Variants in DIP2C observed in about 807,000 individuals in gnomAD.
The protein encoded by DIP2C is disco-interacting protein 2 homolog C.
Under a neutral mutation model 192.4 loss-of-function variants are expected in DIP2C, and 33 were observed. The ratio of observed to expected loss-of-function variants is 0.17; its 90% CI spans 0.13 to 0.23. The LOEUF (loss-of-function observed/expected upper bound fraction) is 0.23, where lower values mean the gene tolerates loss of function less well. DIP2C is among the 10% of genes least tolerant of loss of function. The pLI is 1.00. For synonymous variants in DIP2C, 979 were observed against 864.1 expected (o/e 1.13, Z -2.33); for missense variants, 1,537 against 2,110.1 (o/e 0.73, Z 5.32).
At chr10:351,447 G>A (rs952212032) in intron 24 of DIP2C, among the ~76,000 whole-genome samples, 15 of 152,172 alleles carry the variant, frequency 9.9e-5, no homozygotes, top group South Asian at 2.1e-4. Flanking sequence ...CCAGGGCTGC[G>A]GGGAGGCGGC....
intron 4 of DIP2C, among the ~76,000 whole-genome samples, chr10:433,343 A>T (rs190972209): frequency 1.3e-5 from 2 of 152,312 alleles, no homozygotes; most frequent in African/African-American, 4.8e-5. Context: ...CCCTTGATGT[A>T]AAGCCTGCTC....
intron 1 of DIP2C, among the ~76,000 whole-genome samples, chr10:574,418 A>C (rs1850019749): frequency 6.6e-6 from 1 of 152,268 alleles, no homozygotes; most frequent in African/African-American, 2.4e-5. Context: ...ATATTTCAAC[A>C]TGCTAACGAT....
intron 3 of DIP2C, among the ~76,000 whole-genome samples, chr10:460,822 A>G (rs770889818): frequency 2.2e-4 from 33 of 152,242 alleles, no homozygotes; most frequent in Non-Finnish European, 4.4e-4. Flanking sequence ...AGGGTTACCC[A>G]CAAAGGGAAG....
At chr10:584,123 C>A (rs997483896) in intron 1 of DIP2C, among the ~76,000 whole-genome samples, 3 of 152,156 alleles carry the variant, frequency 2.0e-5, no homozygotes, top group Non-Finnish European at 1.5e-5. Context: ...AGGGCTGAGA[C>A]TACTTCTAAA....
chr10:601,984 G>GT (rs1190987317), intron 1 of DIP2C, among the ~76,000 whole-genome samples: 2 of 150,366 alleles, frequency 1.3e-5, no homozygotes, highest in African/African-American at 4.9e-5. Flanking sequence ...GAGAATGGGT[G>GT]TTTGAAGTCC....
chr10:397,647 G>A (rs996894803), intron 10 of DIP2C, among the ~76,000 whole-genome samples: 3 of 152,144 alleles, frequency 2.0e-5, no homozygotes, highest in African/African-American at 4.8e-5. Context: ...CCTCCTACAC[G>A]ACTGGCCGCC....
chr10:304,128 C>A (rs573637468), intron 32 of DIP2C, among the ~76,000 whole-genome samples: 2 of 152,308 alleles, frequency 1.3e-5, no homozygotes, highest in African/African-American at 4.8e-5. Flanking sequence ...AAACCGGCTT[C>A]ACAGGTGTCT....
At chr10:432,437 C>T (rs1324714792) in intron 4 of DIP2C, among the ~76,000 whole-genome samples, 1 of 152,166 alleles carries the variant, frequency 6.6e-6, no homozygotes, top group African/African-American at 2.4e-5. Flanking sequence ...AGAAATTGGT[C>T]CATTTCATCC....
chr10:487,028 G>A (rs889137511), intron 1 of DIP2C, among the ~76,000 whole-genome samples: 1 of 152,246 alleles, frequency 6.6e-6, no homozygotes, highest in Non-Finnish European at 1.5e-5. Context: ...AAGGCTAAGG[G>A]AAGAAGCAAA....
intron 1 of DIP2C, among the ~76,000 whole-genome samples, chr10:540,386 A>G (rs758998399): frequency 8.5e-5 from 13 of 152,246 alleles, no homozygotes; most frequent in Non-Finnish European, 1.5e-4. Flanking sequence ...ACTTCCTGAG[A>G]TCACACAGAG....
rs958956416 is a variant in DIP2C, at chr10:341,566, G to A, written c.3454-237C>T. Among the ~76,000 whole-genome samples the A allele has an allele frequency of 1.6e-4, 25 of 151,538 alleles. 1 individual carries two copies. The highest frequency in any genetic ancestry group is 3.1e-4 in the Non-Finnish European group (21 of 67,976). Reference sequence around the variant, plus strand: ...CACTGAACGCAAGGCTGTGTTGAACGCATCGGGCCTGACACCCTCAGACAC... The same window carrying A: ...CACTGAACGCAAGGCTGTGTTGAACACATCGGGCCTGACACCCTCAGACAC... On this transcript the variant is annotated intron_variant, in intron 28 of 36. Transcript: ENST00000280886.
At chr10:365,376 AT>A (rs572532801) in intron 19 of DIP2C, among the ~76,000 whole-genome samples, 81 of 150,926 alleles carry the variant, frequency 5.4e-4, no homozygotes, top group Non-Finnish European at 8.9e-4. Context: ...GTACACAAGA[AT>A]TTTTTTTTTA....
intron 1 of DIP2C, among the ~76,000 whole-genome samples, chr10:685,665 A>C (rs906210174): frequency 1.3e-5 from 2 of 152,126 alleles, no homozygotes; most frequent in Non-Finnish European, 2.9e-5. Context: ...TAATAATAAT[A>C]ATAATAAGAC....
At chr10:585,494 T>C (rs1850961377) in intron 1 of DIP2C, among the ~76,000 whole-genome samples, 2 of 152,252 alleles carry the variant, frequency 1.3e-5, no homozygotes, top group African/African-American at 4.8e-5. Flanking sequence ...CCGTCTCACC[T>C]GGCTCCAGGA....
chr10:637,506 G>A (rs193289224), intron 1 of DIP2C, among the ~76,000 whole-genome samples: 1 of 152,284 alleles, frequency 6.6e-6, no homozygotes, highest in Admixed American at 6.5e-5. Flanking sequence ...CTTCTCACTG[G>A]GTCCGCACAC....
chr10:486,848 G>A (rs1286934272), intron 1 of DIP2C, among the ~76,000 whole-genome samples: 2 of 152,204 alleles, frequency 1.3e-5, no homozygotes, highest in African/African-American at 2.4e-5. Context: ...CAAGCCTGGT[G>A]GCCGGGGCTC....
At chr10:535,946 G>A (rs1018651032) in intron 1 of DIP2C, among the ~76,000 whole-genome samples, 3 of 152,186 alleles carry the variant, frequency 2.0e-5, no homozygotes, top group East Asian at 1.9e-4. Flanking sequence ...CATTGCTCCC[G>A]TAAGCTTCCA....
intron 3 of DIP2C, among the ~76,000 whole-genome samples, chr10:446,702 G>A (rs1968252472): frequency 6.6e-6 from 1 of 152,208 alleles, no homozygotes; most frequent in African/African-American, 2.4e-5. Context: ...AGGGGCATCA[G>A]CTCTCATTTT....
chr10:428,656 T>A (rs1405182143), intron 4 of DIP2C, among the ~76,000 whole-genome samples: 2 of 152,130 alleles, frequency 1.3e-5, no homozygotes, highest in African/African-American at 4.8e-5. Context: ...TCACTGAACT[T>A]CTCGGGGCTG....
Sources: gnomAD v4.1 joint callset for allele counts (sites outside exome capture counted in the v4.1 genomes callset) on GRCh38, gnomAD v4.1.1 for gene constraint, MANE v1.5 for transcripts, NCBI Gene and HGNC (gene_info 2026-07-23, HGNC 2026-07-21) for gene names.